The following KCNQ5 variants were observed in gnomAD, a reference collection of about 807,000 sequenced individuals.
KCNQ5 encodes potassium voltage-gated channel subfamily KQT member 5.
A neutral mutation model predicts 98.2 loss-of-function variants in KCNQ5; 30 were observed. That is an observed-to-expected ratio of 0.31 (90% CI 0.23 to 0.41). KCNQ5 has a LOEUF of 0.41. Ranked by LOEUF, KCNQ5 falls within the 10% of genes least tolerant of loss-of-function variation. The pLI, the probability that KCNQ5 is intolerant of heterozygous loss-of-function variation, is 1.00. For synonymous variants in KCNQ5, 458 were observed against 449.4 expected (o/e 1.02, Z -0.24); for missense variants, 835 against 1,182.5 (o/e 0.71, Z 4.31).
chr6:72,779,885 A>G (rs955641733), intron 1 of KCNQ5, among the ~76,000 whole-genome samples: 3 of 131,406 alleles, frequency 2.3e-5, no homozygotes, highest in Non-Finnish European at 4.8e-5. Flanking sequence ...GTGTGTGTAA[A>G]GATGGGGTCT....
chr6:72,708,294 A>C (rs2154474931), intron 1 of KCNQ5, among the ~76,000 whole-genome samples: 1 of 152,270 alleles, frequency 6.6e-6, no homozygotes, highest in South Asian at 2.1e-4. Flanking sequence ...TTTTACATGT[A>C]TTAAGATATG....
At chr6:72,624,002 G>T (rs2098916857) in intron 1 of KCNQ5, among the ~76,000 whole-genome samples, 1 of 152,182 alleles carries the variant, frequency 6.6e-6, no homozygotes. Flanking sequence ...TGGGGCTCTG[G>T]TGTCTGGAAA....
rs1402172028 is a variant in KCNQ5, at chr6:73,029,086, T to C, written c.490-12850T>C. 2.0e-5 allele frequency among the ~76,000 whole-genome samples: 3 copies of C among 152,166 alleles called. 1 individual carries two copies. The highest frequency in any genetic ancestry group is 6.5e-5 in the Admixed American group (1 of 15,276). On this transcript the variant is annotated intron_variant, in intron 2 of 13. Coordinates refer to ENST00000370398, the MANE Select transcript of KCNQ5 (RefSeq NM_019842.4). ...GGGTGGCAAGCAGGCAGTGATGTATTAATTAAGACATATTGATGATGTGAG... is the reference window on the plus strand; with the variant it reads ...GGGTGGCAAGCAGGCAGTGATGTATCAATTAAGACATATTGATGATGTGAG...
intron 1 of KCNQ5, among the ~76,000 whole-genome samples, chr6:72,684,091 T>G (rs1767836003): frequency 6.6e-6 from 1 of 152,208 alleles, no homozygotes; most frequent in Non-Finnish European, 1.5e-5. Flanking sequence ...TTACCTATTA[T>G]GCACATGGCA....
At chr6:72,739,411 A>T (rs1328755730) in intron 1 of KCNQ5, among the ~76,000 whole-genome samples, 1 of 152,148 alleles carries the variant, frequency 6.6e-6, no homozygotes, top group Non-Finnish European at 1.5e-5. Flanking sequence ...CACAGAAGAC[A>T]TGGAAAAAAA....
intron 10 of KCNQ5, 51 bp downstream of exon 10, chr6:73,133,692 T>TGAGA: frequency 6.8e-7 from 1 of 1,468,732 alleles, no homozygotes; most frequent in Non-Finnish European, 9.5e-7. Flanking sequence ...CTATAGTGAG[T>TGAGA]GAGATTATGA....
chr6:72,974,147 C>T (rs192076588), intron 1 of KCNQ5, among the ~76,000 whole-genome samples: 25 of 152,272 alleles, frequency 1.6e-4, no homozygotes, highest in Middle Eastern at 3.4e-3. Flanking sequence ...GGACCAAATC[C>T]AGCTTTCCAC....
chr6:73,048,281 G>A (rs992634031), intron 3 of KCNQ5, among the ~76,000 whole-genome samples: 3 of 152,208 alleles, frequency 2.0e-5, no homozygotes, highest in Admixed American at 6.5e-5. Context: ...CCATGAGGAG[G>A]TTTAGACACA....
intron 1 of KCNQ5, among the ~76,000 whole-genome samples, chr6:73,000,043 A>G (rs188989848): frequency 6.6e-6 from 1 of 152,064 alleles, no homozygotes; most frequent in Non-Finnish European, 1.5e-5. Context: ...CTACATTAGG[A>G]TAGCCTGAGC....
Position 72,854,783 on chromosome 6 carries a change from T to TGC in KCNQ5, c.399-149123_399-149122dup, listed in dbSNP as rs1240663921. On this transcript the variant is annotated intron_variant, in intron 1 of 13. Transcript: ENST00000370398. ...TTGTGTGTGTGTGTGTGTGTGTGTG[T>TGC]GCGTGCGTAGATTAGAGCAAGCAGA... Among the ~76,000 whole-genome samples the TGC allele has an allele frequency of 6.3e-5, 9 of 141,926 alleles. No individual in the cohort carries two copies. In the East Asian group the frequency reaches 1.3e-3, roughly 20 times the overall value. The allele number at this position is 141,926 out of a possible 152,430, so 93.1% of individuals were successfully genotyped here.
chr6:72,646,262 C>T (rs1049428713), intron 1 of KCNQ5, among the ~76,000 whole-genome samples: 4 of 151,398 alleles, frequency 2.6e-5, no homozygotes, highest in African/African-American at 9.7e-5. Context: ...TATATATATA[C>T]ATATATAATG....
Position 72,887,182 on chromosome 6 carries a change from G to A in KCNQ5, c.399-116726G>A, listed in dbSNP as rs76415959. On this transcript the variant is annotated intron_variant, in intron 1 of 13. Transcript: ENST00000370398. ...ATGCTGCAGATAAAGACATACCTGAGACTAGAAAGAAAAAGATGTTTAGTG... is the reference window on the plus strand; with the variant it reads ...ATGCTGCAGATAAAGACATACCTGAAACTAGAAAGAAAAAGATGTTTAGTG... Among the ~76,000 whole-genome samples the A allele has an allele frequency of 5.4e-3, 817 of 152,242 alleles. 8 individuals are homozygous for A. Among genetic ancestry groups the A allele is most frequent in the African/African-American group, 0.019 (785 of 41,548 alleles).
chr6:72,922,974 G>A (rs2150219604), intron 1 of KCNQ5, among the ~76,000 whole-genome samples: 1 of 151,726 alleles, frequency 6.6e-6, no homozygotes, highest in South Asian at 2.1e-4. Context: ...ACCACTCCTG[G>A]CTAATTTTTG....
chr6:72,749,011 T>A (rs765269490), intron 1 of KCNQ5, among the ~76,000 whole-genome samples: 1 of 152,164 alleles, frequency 6.6e-6, no homozygotes, highest in Non-Finnish European at 1.5e-5. Flanking sequence ...CCTGACCACC[T>A]GTGGTTTGCC....
At chr6:72,987,103 T>G (rs1768817386) in intron 1 of KCNQ5, 1 of 661,184 alleles carries the variant, frequency 1.5e-6, no homozygotes, top group African/African-American at 1.8e-5. Flanking sequence ...AAGTTGAGGC[T>G]CCGGAATACA....
At chr6:73,106,755 C>T (rs11968396) in intron 6 of KCNQ5, among the ~76,000 whole-genome samples, 15,288 of 152,162 alleles carry the variant, frequency 0.1, 1,270 homozygotes, top group East Asian at 0.2. Context: ...TTTGGAAGGA[C>T]GCAATTCAGC....
chr6:72,998,531 C>T (rs573212946), intron 1 of KCNQ5, among the ~76,000 whole-genome samples: 3 of 151,948 alleles, frequency 2.0e-5, no homozygotes, highest in Non-Finnish European at 4.4e-5. Context: ...GTCAGGAGAT[C>T]GAGACCATCC....
chr6:73,109,684 C>G (rs1197021697), intron 6 of KCNQ5, among the ~76,000 whole-genome samples: 3 of 152,092 alleles, frequency 2.0e-5, no homozygotes, highest in Non-Finnish European at 4.4e-5. Flanking sequence ...ATCACAGAGA[C>G]CAGGTTTTTA....
At chr6:73,127,212 G>C (rs903639697) in intron 9 of KCNQ5, among the ~76,000 whole-genome samples, 1 of 152,176 alleles carries the variant, frequency 6.6e-6, no homozygotes, top group Admixed American at 6.5e-5. Flanking sequence ...CAGAAGAGTA[G>C]ATCTGGGTCC....
Sources: allele counts gnomAD v4.1 joint callset (sites outside exome capture counted in the v4.1 genomes callset), GRCh38; gene constraint gnomAD v4.1.1; transcripts MANE v1.5; gene names NCBI Gene and HGNC (gene_info 2026-07-23, HGNC 2026-07-21).